PSD3: variants seen among roughly 807,000 people sequenced by gnomAD.
The protein encoded by PSD3 is pleckstrin and Sec7 domain containing 3.
A neutral mutation model predicts 105.5 loss-of-function variants in PSD3; 49 were observed. The observed-to-expected ratio is 0.46, with a 90% CI of 0.37 to 0.59. PSD3 has a LOEUF of 0.59. PSD3 is among the 20% of genes least tolerant of loss of function. The pLI is 0.00. For missense variants in PSD3, 1,561 were observed against 1,263.8 expected, an observed-to-expected ratio of 1.24 and a Z score of -3.57; for synonymous variants, 557 against 457.8, an observed-to-expected ratio of 1.22 and a Z score of -2.77.
At chr8:18,925,735 G>A (rs1377960683) in intron 2 of PSD3, among the ~76,000 whole-genome samples, 1 of 152,016 alleles carries the variant, frequency 6.6e-6, no homozygotes, top group Admixed American at 6.6e-5. Context: ...GAGAGAAGTC[G>A]AAGTCAAAAA....
chr8:18,655,349 T>C lies in PSD3; in HGVS notation c.2216+293A>G, dbSNP rs569345253. The stretch of plus-strand genomic sequence containing the variant: ...ACCTCAAAAAAAAAAAAAAAAAAAT[T>C]AAAAGACAATTAATTACCTACAGGT... On this transcript the variant is annotated intron_variant, in intron 10 of 15. Transcript: ENST00000327040. 3.4e-3 allele frequency among the ~76,000 whole-genome samples: 492 copies of C among 142,712 alleles called. 1 individual carries two copies. The highest frequency in any genetic ancestry group is 0.012 in the African/African-American group (454 of 37,908). The allele number at this position is 142,712 out of a possible 152,430, so 93.6% of individuals were successfully genotyped here. A position where few individuals can be genotyped will look rare whatever the true frequency, so the allele number is the denominator to read the frequency against.
rs369689280 is a variant in PSD3 at position 18,832,757 on chromosome 8, C to T, written c.1635-27859G>A. Among the ~76,000 whole-genome samples, 118 of 152,304 alleles carry T rather than the reference C, an allele frequency of 7.7e-4. 2 individuals are homozygous for T. In the South Asian group the frequency reaches 0.024, roughly 31 times the overall value. ...GTGGAAGGCAGAGGAGGAGCAAAGG[C>T]ATGTCTTACATGGTGGCAGGCAAAA... is the stretch of plus-strand genomic sequence containing the variant. On this transcript the variant is annotated intron_variant, in intron 4 of 15. Coordinates refer to ENST00000327040, the MANE Select transcript of PSD3 (RefSeq NM_015310.4).
chr8:18,541,067 G>A (rs552504244), intron 15 of PSD3, among the ~76,000 whole-genome samples: 1 of 150,978 alleles, frequency 6.6e-6, no homozygotes, highest in East Asian at 1.9e-4. Flanking sequence ...GCCTTCCCTG[G>A]CCATCAAAAT....
chr8:18,773,109 G>GT (rs769114143), intron 8 of PSD3, among the ~76,000 whole-genome samples: 11 of 152,062 alleles, frequency 7.2e-5, no homozygotes, highest in Non-Finnish European at 1.5e-4. Flanking sequence ...ATAACGTGAT[G>GT]TTTTTCCCCT....
chr8:18,937,907 G>T (rs1213901421), intron 1 of PSD3, among the ~76,000 whole-genome samples: 1 of 152,094 alleles, frequency 6.6e-6, no homozygotes. Flanking sequence ...ACATATTGGC[G>T]GGAAGGCCAT....
intron 9 of PSD3, among the ~76,000 whole-genome samples, chr8:18,663,110 T>C (rs1809478244): frequency 6.6e-6 from 1 of 152,118 alleles, no homozygotes; most frequent in East Asian, 1.9e-4. Context: ...ATGGCCAGCA[T>C]CTCTGGGGAT....
chr8:18,779,564 TGTAA>T (rs537443664), intron 8 of PSD3, among the ~76,000 whole-genome samples: 162 of 152,288 alleles, frequency 1.1e-3, no homozygotes, highest in African/African-American at 3.6e-3. Context: ...ACTTTCTTCA[TGTAA>T]GTATTTGTTG....
chr8:18,827,778 G>A (rs1299844811), intron 4 of PSD3, among the ~76,000 whole-genome samples: 4 of 151,660 alleles, frequency 2.6e-5, no homozygotes, highest in Non-Finnish European at 5.9e-5. Flanking sequence ...GGTTGAATTT[G>A]AGGCCAATTA....
chr8:18,726,419 T>C (rs1420118435), intron 9 of PSD3, among the ~76,000 whole-genome samples: 1 of 152,216 alleles, frequency 6.6e-6, no homozygotes, highest in African/African-American at 2.4e-5. Context: ...AATTCCCCAA[T>C]ATTCTCTTGT....
chr8:18,684,310 A>ATTCCAAAAAGCAACACTATT (rs1350261970), intron 9 of PSD3, among the ~76,000 whole-genome samples: 1 of 152,108 alleles, frequency 6.6e-6, no homozygotes, highest in East Asian at 1.9e-4. Flanking sequence ...ATTCATTAAC[A>ATTCCAAAAAGCAACACTATT]TTCCAAAAAG....
intron 2 of PSD3, among the ~76,000 whole-genome samples, chr8:18,907,148 A>G (rs1586387119): frequency 6.6e-6 from 1 of 152,320 alleles, no homozygotes. Flanking sequence ...ACTGAAAGAT[A>G]AATATTTTTT....
At chr8:18,676,631 C>A (rs534619034) in intron 9 of PSD3, among the ~76,000 whole-genome samples, 47 of 152,292 alleles carry the variant, frequency 3.1e-4, no homozygotes, top group African/African-American at 1.1e-3. Flanking sequence ...GCTGGCCAGA[C>A]CAGCGAGGAG....
intron 10 of PSD3, among the ~76,000 whole-genome samples, chr8:18,655,084 G>A (rs914133756): frequency 1.3e-5 from 2 of 152,122 alleles, no homozygotes; most frequent in African/African-American, 2.4e-5. Context: ...AGAACTTTGG[G>A]AGGCCGAGGC....
intron 12 of PSD3, among the ~76,000 whole-genome samples, chr8:18,599,221 C>A (rs778096446): frequency 2.0e-5 from 3 of 151,990 alleles, no homozygotes; most frequent in East Asian, 3.9e-4. Flanking sequence ...CATGCATAGA[C>A]CAACAGAATG....
At chr8:19,051,788 G>A (rs1345200680) in intron 1 of PSD3, among the ~76,000 whole-genome samples, 1 of 152,146 alleles carries the variant, frequency 6.6e-6, no homozygotes, top group Non-Finnish European at 1.5e-5. Context: ...ACCTAGCATA[G>A]TACAAGAGCT....
In PSD3 at chr8:18,829,586, C is replaced by A. The variant is rs76841495; in HGVS notation, c.1635-24688G>T. On this transcript the variant is annotated intron_variant, in intron 4 of 15. Coordinates refer to ENST00000327040, the MANE Select transcript of PSD3 (RefSeq NM_015310.4). ...CTTGTACACTATGTGGTCTTTGGCT[C>A]ATGTTATTGTTTCCTAAGCTTCAGG... is the stretch of plus-strand genomic sequence containing the variant. 2.6e-5 allele frequency among the ~76,000 whole-genome samples: 4 copies of A among 152,260 alleles called. No homozygotes were observed. The East Asian group carries it at 7.7e-4, about 29-fold the overall frequency.
intron 9 of PSD3, among the ~76,000 whole-genome samples, chr8:18,751,623 G>A (rs1302620506): frequency 6.7e-6 from 1 of 149,142 alleles, no homozygotes; most frequent in Non-Finnish European, 1.5e-5. Flanking sequence ...AGAGCCCAGC[G>A]ACTTCCATAA....
At chr8:18,848,505 G>A (rs536140691) in intron 4 of PSD3, among the ~76,000 whole-genome samples, 1 of 152,170 alleles carries the variant, frequency 6.6e-6, no homozygotes. Flanking sequence ...CCCATGGAGA[G>A]GCAGCCAAGC....
chr8:19,034,315 TA>T (rs1401855288), intron 1 of PSD3, among the ~76,000 whole-genome samples: 6 of 152,154 alleles, frequency 3.9e-5, no homozygotes, highest in African/African-American at 1.4e-4. Flanking sequence ...GTTAAAGGAT[TA>T]AACTAGACGT....
Sources: allele counts gnomAD v4.1 joint callset (sites outside exome capture counted in the v4.1 genomes callset), GRCh38; gene constraint gnomAD v4.1.1; transcripts MANE v1.5; gene names NCBI Gene and HGNC (gene_info 2026-07-23, HGNC 2026-07-21).